SLC39A10: variants seen among roughly 807,000 people sequenced by gnomAD.
SLC39A10 encodes the protein zinc transporter ZIP10.
Under a neutral mutation model 65.1 loss-of-function variants are expected in SLC39A10, and 13 were observed. The ratio of observed to expected loss-of-function variants is 0.20; its 90% CI spans 0.13 to 0.32. The LOEUF is 0.32. Among genes scored for constraint, SLC39A10 ranks in the 10% least tolerant of loss-of-function variants. SLC39A10 has a pLI of 1.00. For missense variants in SLC39A10, 831 were observed against 1,018.4 expected, an observed-to-expected ratio of 0.82 and a Z score of 2.50; for synonymous variants, 321 against 342.2, an observed-to-expected ratio of 0.94 and a Z score of 0.68.
intron 1 of SLC39A10, among the ~76,000 whole-genome samples, chr2:195,673,132 C>T (rs187866751): frequency 2.4e-4 from 37 of 152,220 alleles, no homozygotes; most frequent in African/African-American, 8.7e-4. Context: ...TATGATAATT[C>T]AACTTAATTT....
chr2:195,630,028 T>C (rs930541756), intron 2 of SLC39A10, among the ~76,000 whole-genome samples: 2 of 151,828 alleles, frequency 1.3e-5, no homozygotes, highest in Admixed American at 6.6e-5. Context: ...GAGCCACTAC[T>C]GCACCCTTCC....
chr2:195,683,601 A>G, intron 2 of SLC39A10, 98 bp from the exon 3 acceptor site: 1 of 880,750 alleles, frequency 1.1e-6, no homozygotes, highest in South Asian at 1.7e-5. Flanking sequence ...GATTATTTGC[A>G]AGTAATATTT....
intron 2 of SLC39A10, among the ~76,000 whole-genome samples, chr2:195,640,734 T>A (rs914230375): frequency 2.0e-5 from 3 of 152,222 alleles, no homozygotes; most frequent in African/African-American, 7.2e-5. Flanking sequence ...AAAGCAATTT[T>A]AAAATATTTA....
chr2:195,682,882 A>C (rs1470242559), intron 2 of SLC39A10, among the ~76,000 whole-genome samples: 1 of 151,518 alleles, frequency 6.6e-6, no homozygotes, highest in Non-Finnish European at 1.5e-5. Context: ...AAGAAGAATC[A>C]TTTTTCTGTG....
intron 2 of SLC39A10, among the ~76,000 whole-genome samples, chr2:195,620,004 C>CCTCTGCCTCCCGGGCT (rs1688317712): frequency 6.6e-6 from 1 of 152,138 alleles, no homozygotes; most frequent in Non-Finnish European, 1.5e-5. Context: ...CTCACTGAAA[C>CCTCTGCCTCCCGGGCT]CTCTGCCTCC....
intron 2 of SLC39A10, among the ~76,000 whole-genome samples, chr2:195,637,992 A>G (rs1026875192): frequency 1.3e-5 from 2 of 152,192 alleles, no homozygotes; most frequent in African/African-American, 2.4e-5. Context: ...TAGAAAAGGT[A>G]TTAGGAAGGA....
rs572897143 is a variant in SLC39A10, at chr2:195,708,441, G to C, written c.1387-215G>C. On this transcript the variant is annotated intron_variant, in intron 4 of 9. Coordinates refer to ENST00000359634, the MANE Select transcript of SLC39A10 (RefSeq NM_020342.3). The stretch of plus-strand genomic sequence containing the variant: ...TCTTATTCTTATAGCATTTGACTTG[G>C]TGTCTTTGAGTTACTGTAAAATGTA... Among the ~76,000 whole-genome samples the C allele has an allele frequency of 5.8e-4, 89 of 152,158 alleles. 1 individual carries two copies. The South Asian group carries it at 0.018, about 31-fold the overall frequency.
rs199784501 is a variant in SLC39A10, at chr2:195,716,971, T to C, written c.2031T>C (p.Asp677=). 148 of 1,614,146 alleles carry C rather than the reference T, an allele frequency of 9.2e-5. 4 individuals are homozygous for C. In the South Asian group the frequency reaches 1.4e-3, roughly 16 times the overall value. ...ANIAWMVIMG[D]GIHNFSDGLA... is the part of the protein sequence containing the mutation. Reference sequence around the variant, plus strand: ...TAGCCTGGATGGTGATCATGGGGGATGGCATCCACAACTTCAGTGATGGGC... The same window carrying C: ...TAGCCTGGATGGTGATCATGGGGGACGGCATCCACAACTTCAGTGATGGGC... Residue 677 remains aspartate, a synonymous_variant, in exon 7 of 10, where the codon GAT becomes GAC. Coordinates refer to ENST00000359634, the MANE Select transcript of SLC39A10 (RefSeq NM_020342.3).
chr2:195,661,808 CAA>C (rs1689409884), intron 1 of SLC39A10, among the ~76,000 whole-genome samples: 1 of 152,068 alleles, frequency 6.6e-6, no homozygotes, highest in Admixed American at 6.6e-5. Context: ...AGTATAAGGA[CAA>C]AATCTAAAAT....
chr2:195,696,747 A>G (rs544023522), intron 3 of SLC39A10, among the ~76,000 whole-genome samples: 1 of 152,132 alleles, frequency 6.6e-6, no homozygotes, highest in Non-Finnish European at 1.5e-5. Context: ...TGTTATATCT[A>G]TTATATATTG....
chr2:195,682,472 TG>T (rs1445180571), intron 2 of SLC39A10, among the ~76,000 whole-genome samples: 1 of 151,732 alleles, frequency 6.6e-6, no homozygotes, highest in Non-Finnish European at 1.5e-5. Flanking sequence ...ATTTATTTTT[TG>T]TAAAGATGGG....
At chr2:195,681,103 G>A (rs1398236215) in intron 2 of SLC39A10, 53 bp downstream of exon 2, 1 of 1,521,678 alleles carries the variant, frequency 6.6e-7, no homozygotes, top group African/African-American at 1.4e-5. Context: ...CATAATTGTG[G>A]TGCATTTTAA....
chr2:195,653,080 T>G (rs765557443), upstream of SLC39A10, among the ~76,000 whole-genome samples: 3 of 151,946 alleles, frequency 2.0e-5, no homozygotes, highest in Admixed American at 6.6e-5. Context: ...CCAAAAAAAG[T>G]TGGGGACTGC....
chr2:195,647,653 C>G (rs981739124), intron 2 of SLC39A10, among the ~76,000 whole-genome samples: 1 of 151,330 alleles, frequency 6.6e-6, no homozygotes, highest in Non-Finnish European at 1.5e-5. Flanking sequence ...TCTAACATAG[C>G]ACTTGCCATG....
intron 1 of SLC39A10, among the ~76,000 whole-genome samples, chr2:195,661,498 C>T (rs1043239139): frequency 1.3e-5 from 2 of 152,112 alleles, no homozygotes; most frequent in Non-Finnish European, 2.9e-5. Context: ...TCTTGGCCTC[C>T]CAAAGTGCTG....
In SLC39A10 at chr2:195,681,053, A is replaced by G. The variant is rs527874102; in HGVS notation, c.1008+3A>G. The G allele has an allele frequency of 6.3e-7, 1 of 1,594,452 alleles. No individual in the cohort carries two copies. Among genetic ancestry groups the G allele is most frequent in the African/African-American group, 1.3e-5 (1 of 74,330 alleles). ...ATGAAGATGACCATCATCATGAAGT[A>G]AGTATAAAAAGATGTCCGATAGCTG... On this transcript the variant is annotated splice_donor_region_variant and intron_variant, in intron 2 of 9. Coordinates refer to ENST00000359634, the MANE Select transcript of SLC39A10 (RefSeq NM_020342.3).
intron 3 of SLC39A10, among the ~76,000 whole-genome samples, chr2:195,685,669 G>A (rs1255013163): frequency 6.6e-6 from 1 of 152,002 alleles, no homozygotes; most frequent in Non-Finnish European, 1.5e-5. Flanking sequence ...GGCCCTTCTG[G>A]GTAAACTTAG....
chr2:195,668,957 C>G (rs767908167), intron 1 of SLC39A10, among the ~76,000 whole-genome samples: 1 of 152,016 alleles, frequency 6.6e-6, no homozygotes, highest in African/African-American at 2.4e-5. Flanking sequence ...CGCCTGTAAT[C>G]CCAGCTACTC....
intron 2 of SLC39A10, among the ~76,000 whole-genome samples, chr2:195,623,939 A>C (rs1285231283): frequency 7.1e-6 from 1 of 140,942 alleles, no homozygotes; most frequent in South Asian, 2.3e-4. Flanking sequence ...ACACACACAC[A>C]CCGTCTTAGA....
Sources: allele counts gnomAD v4.1 joint callset (sites outside exome capture counted in the v4.1 genomes callset), GRCh38; gene constraint gnomAD v4.1.1; transcripts MANE v1.5; gene names NCBI Gene and HGNC (gene_info 2026-07-23, HGNC 2026-07-21).